PTPRB: variants seen among roughly 807,000 people sequenced by gnomAD.
The protein encoded by PTPRB is protein tyrosine phosphatase receptor type B, also known as receptor-type tyrosine-protein phosphatase beta.
In PTPRB, 97 loss-of-function variants were observed where a neutral mutation model predicts 238.1. The observed-to-expected ratio is 0.41, with a 90% CI of 0.35 to 0.48. The LOEUF (loss-of-function observed/expected upper bound fraction) is 0.48. PTPRB is among the 20% of genes least tolerant of loss of function. The pLI, the probability that PTPRB is intolerant of heterozygous loss-of-function variation, is 0.30. For missense variants in PTPRB, 2,292 were observed against 2,681.9 expected, an observed-to-expected ratio of 0.85 and a Z score of 3.21; for synonymous variants, 970 against 995.4, an observed-to-expected ratio of 0.97 and a Z score of 0.48.
chr12:70,518,069 A>AAAT lies in PTPRB; in HGVS notation c.*3417_*3419dup, dbSNP rs1253273160. On this transcript the variant is annotated 3_prime_UTR_variant, in exon 34 of 34. Transcript: ENST00000334414. ...GGCTTTCTTCCGAGAGGTGATTACAAAATTTATCAAAGACCCTCCCAAAGA... is the reference window on the plus strand; with the variant it reads ...GGCTTTCTTCCGAGAGGTGATTACAAAATAATTTATCAAAGACCCTCCCAAAGA... The AAAT allele has an allele frequency of 2.2e-4, 34 of 152,138 alleles. No homozygotes were observed. The highest frequency in any genetic ancestry group is 5.2e-4 in the Admixed American group (8 of 15,272). 9.4% of individuals were successfully genotyped at this position (152,138 alleles called of 1,614,324 possible).
At chr12:70,599,075 G>A (rs1034483624) in intron 4 of PTPRB, among the ~76,000 whole-genome samples, 6 of 152,170 alleles carry the variant, frequency 3.9e-5, no homozygotes, top group African/African-American at 9.7e-5. Context: ...TGCTATGCAT[G>A]CTGCAGAAAC....
Position 70,590,080 on chromosome 12 carries a change from T to C in PTPRB, c.1934A>G (p.Glu645Gly). The change falls in exon 8 of 34, where the codon GAA becomes GGA. Residue 645 changes from glutamate (E) to glycine (G), a missense_variant. Transcript: ENST00000334414. ...GTCATCCATGACATACTGTGTTTCT[T>C]CCTTTCCCACAGTGATGTTGAGCAG... is the stretch of plus-strand genomic sequence containing the variant. Reference protein sequence around the residue: ...VVLLNITVGKEETQYVMDDTG... With the variant: ...VVLLNITVGKGETQYVMDDTG... 1.2e-6 allele frequency: 2 copies of C among 1,613,994 alleles called. No homozygotes were observed. The highest frequency in any genetic ancestry group is 1.6e-4 in the Middle Eastern group (1 of 6,062).
rs1027949962 is a variant in PTPRB, at chr12:70,539,394, A to G, written c.5778+231T>C. On this transcript the variant is annotated intron_variant, in intron 26 of 33. Transcript: ENST00000334414. ...TTTGTTAATTCTTCCTTACTATCTG[A>G]TCCAGGTAGCCCTTGGTTTGCTGTG... The G allele has an allele frequency of 1.1e-5, 6 of 565,256 alleles. No individual in the cohort carries two copies. The South Asian group carries it at 1.5e-4, about 14-fold the overall frequency. The allele number at this position is 565,256 out of a possible 1,614,324, so 35.0% of individuals were successfully genotyped here.
chr12:70,597,168 CGCCTCA>C (rs1317565925), intron 4 of PTPRB, among the ~76,000 whole-genome samples: 2 of 152,096 alleles, frequency 1.3e-5, no homozygotes, highest in East Asian at 3.9e-4. Context: ...GTGATCTGCC[CGCCTCA>C]GCTTCCCAAG....
intron 6 of PTPRB, among the ~76,000 whole-genome samples, chr12:70,593,350 G>A (rs775803054): frequency 2.6e-5 from 4 of 151,620 alleles, no homozygotes; most frequent in Admixed American, 2.0e-4. Context: ...CCATCTCTAC[G>A]AAAAATACAA....
At chr12:70,626,401 G>GCCTGCCTGCCTA (rs1358847221) in intron 2 of PTPRB, among the ~76,000 whole-genome samples, 13 of 145,916 alleles carry the variant, frequency 8.9e-5, no homozygotes, top group African/African-American at 2.1e-4. Context: ...CTGCCTGCCT[G>GCCTGCCTGCCTA]CCTACCTACC....
chr12:70,566,775 ACTC>A (rs1276965088), intron 14 of PTPRB, 71 bp from the exon 15 acceptor site: 59 of 1,498,434 alleles, frequency 3.9e-5, no homozygotes, highest in Non-Finnish European at 5.2e-5. Context: ...ATTGAGAAAA[ACTC>A]CTGAATCAAC....
chr12:70,539,796 A>G (rs1199592790), intron 25 of PTPRB, 31 bp downstream of exon 25: 1 of 1,598,412 alleles, frequency 6.3e-7, no homozygotes, highest in East Asian at 2.2e-5. Context: ...AAAGGCAGAT[A>G]ATATAGTAAT....
At chr12:70,595,325 G>A (rs181629921) in intron 5 of PTPRB, among the ~76,000 whole-genome samples, 49 of 152,256 alleles carry the variant, frequency 3.2e-4, no homozygotes, top group South Asian at 2.9e-3. Context: ...GGAAGGGATA[G>A]CATTAGGAAA....
At chr12:70,609,834 C>T (rs1258616858) in intron 3 of PTPRB, 1 of 1,568,868 alleles carries the variant, frequency 6.4e-7, no homozygotes, top group Non-Finnish European at 8.6e-7. Flanking sequence ...TAGTTAAGAT[C>T]CAGAGGAGAC....
intron 3 of PTPRB, among the ~76,000 whole-genome samples, chr12:70,610,052 C>A (rs951043818): frequency 1.3e-5 from 2 of 152,194 alleles, no homozygotes; most frequent in Admixed American, 6.5e-5. Flanking sequence ...CGCCGCCCTT[C>A]CCACGCTGCC....
chr12:70,622,241 C>T, intron 3 of PTPRB, 149 bp downstream of exon 3: 1 of 1,195,510 alleles, frequency 8.4e-7, no homozygotes, highest in Non-Finnish European at 1.2e-6. Context: ...ATGTAAAATG[C>T]TTTCCTGTAC....
In PTPRB at chr12:70,524,969, ATATG is replaced by A. The variant is rs975675672; in HGVS notation, c.6505-382_6505-379del. Among the ~76,000 whole-genome samples the A allele has an allele frequency of 5.3e-5, 7 of 131,036 alleles. 1 individual carries two copies. Among genetic ancestry groups the A allele is most frequent in the Admixed American group, 4.9e-4 (6 of 12,164 alleles). 86.0% of individuals were successfully genotyped at this position (131,036 alleles called of 152,430 possible). On this transcript the variant is annotated intron_variant, in intron 32 of 33. Transcript: ENST00000334414. Reference sequence around the variant, plus strand: ...TATATGTGTATATATGTATGTGTATATATGTGTGTGTGTGTGTGTGTATATATAT... The same window carrying A: ...TATATGTGTATATATGTATGTGTATATGTGTGTGTGTGTGTGTATATATAT...
rs1479474775 is a variant in PTPRB, at chr12:70,622,522, G to A, written c.576C>T (p.Phe192=). The change falls in exon 3 of 34, where the codon TTC becomes TTT. Residue 192 remains phenylalanine, a synonymous_variant. Coordinates refer to ENST00000334414, the MANE Select transcript of PTPRB (RefSeq NM_001109754.4). ...TGTAGTTTTCTGCAGCATTTCTGATGAAGGCCTCTGTGGTATTCCTAATAA... is the reference window on the plus strand; with the variant it reads ...TGTAGTTTTCTGCAGCATTTCTGATAAAGGCCTCTGTGGTATTCCTAATAA... ...VFLIRNTTEA[F]IRNAAENYSQ... is the part of the protein sequence containing the mutation. The A allele has an allele frequency of 6.2e-7, 1 of 1,612,830 alleles. No homozygotes were observed. Among genetic ancestry groups the A allele is most frequent in the East Asian group, 2.2e-5 (1 of 44,842 alleles).
chr12:70,558,895 C>T (rs969457985), intron 18 of PTPRB: 1 of 196,252 alleles, frequency 5.1e-6, no homozygotes, highest in African/African-American at 2.3e-5. Context: ...ATCTTGTACT[C>T]TCCCTCCTCT....
chr12:70,569,694 T>C lies in PTPRB; in HGVS notation c.3615A>G (p.Ile1205Met). The C allele has an allele frequency of 6.2e-7, 1 of 1,613,926 alleles. No individual in the cohort carries two copies. ...ASVSGSLKNQ[I>M]NVVGRTVPAS... ...GCTTACCTGTCCGCCCAACCACATTTATCTGATTCTTCAGGGACCCGCTGA... is the reference window on the plus strand; with the variant it reads ...GCTTACCTGTCCGCCCAACCACATTCATCTGATTCTTCAGGGACCCGCTGA... Residue 1205 changes from isoleucine to methionine, a missense_variant, in exon 14 of 34, where the codon ATA becomes ATG. Transcript: ENST00000334414.
At chr12:70,581,663 T>G (rs987305931) in intron 9 of PTPRB, among the ~76,000 whole-genome samples, 5 of 152,158 alleles carry the variant, frequency 3.3e-5, no homozygotes, top group African/African-American at 1.2e-4. Flanking sequence ...TTCAAAGCTA[T>G]CTAATCTACC....
intron 3 of PTPRB, chr12:70,609,949 G>T: frequency 1.5e-6 from 1 of 679,118 alleles, no homozygotes; most frequent in Non-Finnish European, 2.1e-6. Flanking sequence ...CGGGGCTGGC[G>T]ACGCGCAGGG....
chr12:70,533,683 T>C (rs1873649828), intron 31 of PTPRB, among the ~76,000 whole-genome samples: 1 of 152,190 alleles, frequency 6.6e-6, no homozygotes, highest in African/African-American at 2.4e-5. Context: ...AGGAGGTGAT[T>C]AGGTCATGAG....
Sources: gnomAD v4.1 joint callset for allele counts (sites outside exome capture counted in the v4.1 genomes callset) on GRCh38, gnomAD v4.1.1 for gene constraint, MANE v1.5 for transcripts, NCBI Gene and HGNC (gene_info 2026-07-23, HGNC 2026-07-21) for gene names.